FRMPD4: variants seen among roughly 807,000 people sequenced by gnomAD.
FRMPD4 encodes FERM and PDZ domain containing 4, also known as FERM and PDZ domain-containing protein 4.
In FRMPD4, 22 loss-of-function variants were observed where a neutral mutation model predicts 94.1. That is an observed-to-expected ratio of 0.23 (90% confidence interval 0.17 to 0.33). The LOEUF is 0.33. Ranked by LOEUF, FRMPD4 falls within the 10% of genes least tolerant of loss-of-function variation. The pLI is 1.00. For synonymous variants in FRMPD4, 631 were observed against 548.6 expected (o/e 1.15, Z -2.10); for missense variants, 1,111 against 1,339.9 (o/e 0.83, Z 2.67).
intron 1 of FRMPD4, among the ~76,000 whole-genome samples, chrX:12,449,442 A>G (rs1421700323): frequency 1.8e-5 from 2 of 112,272 alleles, no homozygotes; most frequent in Non-Finnish European, 3.8e-5. Context: ...TTTTTTCAGT[A>G]ACTGAAATTG....
In FRMPD4 at chrX:11,863,513, C is replaced by CT. The variant is rs755437853; in HGVS notation, c.-160-1573_-160-1572insT. Among the ~76,000 whole-genome samples the CT allele has an allele frequency of 9.9e-5, 11 of 110,808 alleles. No homozygotes were observed. The East Asian group carries it at 2.8e-3, about 28-fold the overall frequency. ...AAGATTATGGAGGTCTACAGCACCC[C>CT]CTAGGCTACCCTGGATGTTGGTAGT... On this transcript the variant is annotated intron_variant, in intron 1 of 18. Coordinates refer to the FRMPD4 transcript ENST00000640291.
chrX:12,308,965 A>G (rs1314014999), intron 1 of FRMPD4, among the ~76,000 whole-genome samples: 1 of 112,553 alleles, frequency 8.9e-6, no homozygotes, highest in African/African-American at 3.2e-5. Flanking sequence ...AGCTAGAAAT[A>G]TTTTACTTAT....
chrX:12,177,577 T>C (rs1286332836), intron 1 of FRMPD4, among the ~76,000 whole-genome samples: 2 of 112,460 alleles, frequency 1.8e-5, no homozygotes, highest in African/African-American at 6.5e-5. Flanking sequence ...TCCTGCCCTG[T>C]GTTGTTGGTG....
intron 1 of FRMPD4, among the ~76,000 whole-genome samples, chrX:12,418,090 C>G (rs955498722): frequency 1.8e-5 from 2 of 109,758 alleles, no homozygotes; most frequent in Admixed American, 1.9e-4. Context: ...CTCGTGACAC[C>G]GAAAAGGTTC....
At chrX:12,373,327 G>A (rs1365875904) in intron 1 of FRMPD4, 2 of 112,015 alleles carry the variant, frequency 1.8e-5, no homozygotes, top group East Asian at 5.6e-4. Flanking sequence ...ATTCTCCTAT[G>A]ACATTGCACT....
intron 1 of FRMPD4, among the ~76,000 whole-genome samples, chrX:12,145,895 G>T (rs954470437): frequency 2.7e-5 from 3 of 111,933 alleles, no homozygotes; most frequent in Non-Finnish European, 5.6e-5. Context: ...GCCCCGCTCT[G>T]GGGGACTTAA....
intron 1 of FRMPD4, among the ~76,000 whole-genome samples, chrX:12,455,585 TG>T (rs1457941008): frequency 8.9e-6 from 1 of 111,874 alleles, no homozygotes; most frequent in East Asian, 2.8e-4. Flanking sequence ...CAGGAGCAAT[TG>T]TTGAGAGTCC....
At chrX:12,095,667 C>G (rs1430757719) in intron 3 of FRMPD4, among the ~76,000 whole-genome samples, 1 of 111,562 alleles carries the variant, frequency 9.0e-6, no homozygotes, top group Non-Finnish European at 1.9e-5. Context: ...GGTGAGCTCA[C>G]TACTTTATTA....
upstream of FRMPD4, among the ~76,000 whole-genome samples, chrX:12,136,890 A>AAC (rs376427153): frequency 0.09 from 8,737 of 97,357 alleles, 361 homozygotes; most frequent in South Asian, 0.18. Context: ...TCTACGTTAA[A>AAC]ACACACACAC....
chrX:12,379,973 A>C (rs982262233), intron 1 of FRMPD4, among the ~76,000 whole-genome samples: 1 of 111,043 alleles, frequency 9.0e-6, no homozygotes, highest in Non-Finnish European at 1.9e-5. Context: ...ATTGGGACAA[A>C]AATTTTGAGG....
chrX:12,262,313 C>G (rs993393436), intron 1 of FRMPD4, among the ~76,000 whole-genome samples: 5 of 111,412 alleles, frequency 4.5e-5, no homozygotes, highest in African/African-American at 1.3e-4. Context: ...CAGAGTCTCA[C>G]TATGTTGCCC....
chrX:12,145,038 G>T lies in FRMPD4; in HGVS notation c.41+6026G>T, dbSNP rs771755286. On this transcript the variant is annotated intron_variant, in intron 1 of 16. Transcript: ENST00000675598. ...CCCTGCAATTACAATTTACTATAGG[G>T]TTTTAATTTTTATTTTGGTTATTTT... Among the ~76,000 whole-genome samples the T allele has an allele frequency of 7.2e-5, 8 of 111,093 alleles. No homozygotes were observed. The East Asian group carries it at 2.2e-3, about 31-fold the overall frequency.
chrX:12,451,163 C>G (rs1185650957), intron 1 of FRMPD4, among the ~76,000 whole-genome samples: 2 of 111,341 alleles, frequency 1.8e-5, no homozygotes, highest in Non-Finnish European at 1.9e-5. Flanking sequence ...TGGTTCATGT[C>G]TTCTCCTCCT....
At chrX:11,885,808 C>T (rs191830556) in intron 3 of FRMPD4, among the ~76,000 whole-genome samples, 2 of 111,187 alleles carry the variant, frequency 1.8e-5, no homozygotes, top group Admixed American at 9.6e-5. Context: ...GGGCCCATCG[C>T]TTTTTTCAGT....
rs1400286066 is a variant in FRMPD4, at chrX:12,701,995, C to G, written c.1055C>G (p.Ser352Cys). Reference sequence around the variant, plus strand: ...ACCACCAAGCAAACGCAGAAAATCTCCCTCAAATACATCGAGTAAGTGTTG... The same window carrying G: ...ACCACCAAGCAAACGCAGAAAATCTGCCTCAAATACATCGAGTAAGTGTTG... The part of the protein sequence containing the change: ...TVTTKQTQKI[S>C]LKYIEKEWGL... Residue 352 changes from serine to cysteine, a missense_variant, in exon 10 of 17, where the codon TCC becomes TGC. Physicochemically the swap from Ser to Cys is moderately radical, Grantham distance 112 (BLOSUM62 -1). Around this residue, in one of 8 missense-constraint regions of FRMPD4, gnomAD observed 111 missense variants for 160.7 expected, o/e 0.69. Coordinates refer to ENST00000675598, the MANE Select transcript of FRMPD4 (RefSeq NM_001368397.1). 1 of 1,209,791 alleles carries G rather than the reference C, an allele frequency of 8.3e-7. No individual in the cohort carries two copies. The highest frequency in any genetic ancestry group is 1.1e-6 in the Non-Finnish European group (1 of 893,985).
chrX:12,317,604 C>CAAAAAAAAAAAAAAA (rs879024487), intron 1 of FRMPD4, among the ~76,000 whole-genome samples: 1 of 65,003 alleles, frequency 1.5e-5, no homozygotes, highest in African/African-American at 7.0e-5. Flanking sequence ...AAAAAAAAAA[C>CAAAAAAAAAAAAAAA]AAAAAAAACA....
intron 1 of FRMPD4, among the ~76,000 whole-genome samples, chrX:12,274,971 T>C (rs1189247524): frequency 8.9e-6 from 1 of 112,081 alleles, no homozygotes; most frequent in African/African-American, 3.2e-5. Context: ...ATCGCGCCAC[T>C]GCACTCCAGC....
chrX:12,004,981 G>A (rs775350777), intron 3 of FRMPD4, among the ~76,000 whole-genome samples: 1 of 112,021 alleles, frequency 8.9e-6, no homozygotes, highest in African/African-American at 3.2e-5. Context: ...TTAGTAGCAA[G>A]ATCGATGAAC....
chrX:11,882,191 GA>G (rs1402386756), intron 3 of FRMPD4, among the ~76,000 whole-genome samples: 8 of 111,332 alleles, frequency 7.2e-5, no homozygotes, highest in Admixed American at 6.7e-4. Context: ...AGACTTCATA[GA>G]GGAGACAACA....
Sources: allele counts gnomAD v4.1 joint callset (sites outside exome capture counted in the v4.1 genomes callset), GRCh38; gene constraint gnomAD v4.1.1; regional missense constraint gnomAD v4.1.1; transcripts MANE v1.5; gene names NCBI Gene and HGNC (gene_info 2026-07-23, HGNC 2026-07-21).